SLC35F3: variants seen among roughly 807,000 people sequenced by gnomAD.
The protein encoded by SLC35F3 is putative thiamine transporter SLC35F3.
Under a neutral mutation model 49.9 loss-of-function variants are expected in SLC35F3, and 25 were observed. That is an observed-to-expected ratio of 0.50 (90% CI 0.37 to 0.70). The LOEUF is 0.70. Ranked by LOEUF, SLC35F3 falls within the 30% of genes least tolerant of loss-of-function variation. The probability of loss-of-function intolerance (pLI) is 0.00; values close to 1 mark genes in which losing one functional copy is unlikely to be tolerated. For missense variants in SLC35F3, 525 were observed against 639.8 expected, an observed-to-expected ratio of 0.82 and a Z score of 1.94; for synonymous variants, 275 against 265.4, an observed-to-expected ratio of 1.04 and a Z score of -0.35.
At chr1:234,305,217 G>C (rs1446937474) in intron 3 of SLC35F3, among the ~76,000 whole-genome samples, 1 of 152,108 alleles carries the variant, frequency 6.6e-6, no homozygotes, top group Admixed American at 6.5e-5. Flanking sequence ...ATGAAGTCAA[G>C]ACAGGCTATC....
chr1:234,272,825 G>A (rs1668129133), intron 3 of SLC35F3, among the ~76,000 whole-genome samples: 1 of 152,092 alleles, frequency 6.6e-6, no homozygotes, highest in Non-Finnish European at 1.5e-5. Context: ...GCCCCTGTTT[G>A]TTGTTCTCTT....
intron 3 of SLC35F3, among the ~76,000 whole-genome samples, chr1:234,307,036 C>T (rs961681355): frequency 1.3e-5 from 2 of 152,210 alleles, no homozygotes; most frequent in African/African-American, 4.8e-5. Context: ...ACCAGCATCA[C>T]TTTGTAGCCA....
At chr1:234,160,661 G>A (rs571190089) in intron 2 of SLC35F3, among the ~76,000 whole-genome samples, 1 of 152,108 alleles carries the variant, frequency 6.6e-6, no homozygotes, top group Non-Finnish European at 1.5e-5. Flanking sequence ...AAGTCTTCTT[G>A]AGGCTCTTGG....
rs544392219 is a variant in SLC35F3 at position 234,162,756 on chromosome 1, A to G, written c.284-68661A>G. 3.9e-5 allele frequency among the ~76,000 whole-genome samples: 6 copies of G among 152,372 alleles called. No individual in the cohort carries two copies. The South Asian group carries it at 1.2e-3, about 32-fold the overall frequency. ...AAAGTCAAAGGGATGATTAAGACTC[A>G]GTCCAGCTTGCTGGCAGGATGGCAG... On this transcript the variant is annotated intron_variant, in intron 2 of 7. Transcript: ENST00000366618.
Position 234,183,857 on chromosome 1 carries a change from C to G in SLC35F3, c.284-47560C>G, listed in dbSNP as rs1405052091. On this transcript the variant is annotated intron_variant, in intron 2 of 7. Transcript: ENST00000366618. ...GGTGCCTACCCCTGTCTTCCTCTCT[C>G]CATTCATTCATTTTTTGTTTAACAA... is the stretch of plus-strand genomic sequence containing the variant. Among the ~76,000 whole-genome samples, 25 of 142,842 alleles carry G rather than the reference C, an allele frequency of 1.8e-4. 4 individuals are homozygous for G. 93.7% of individuals were successfully genotyped at this position (142,842 alleles called of 152,430 possible).
intron 3 of SLC35F3, among the ~76,000 whole-genome samples, chr1:234,297,816 G>A (rs1406039450): frequency 6.6e-6 from 1 of 151,898 alleles, no homozygotes; most frequent in Non-Finnish European, 1.5e-5. Flanking sequence ...GATAAGGGGG[G>A]CAGAAAACAG....
At chr1:234,105,582 C>T (rs1010788810) in intron 2 of SLC35F3, among the ~76,000 whole-genome samples, 1 of 152,186 alleles carries the variant, frequency 6.6e-6, no homozygotes, top group Non-Finnish European at 1.5e-5. Context: ...CATGTCTGCA[C>T]CTCTTGCAAG....
intron 2 of SLC35F3, among the ~76,000 whole-genome samples, chr1:234,059,580 T>C (rs1258551760): frequency 6.8e-6 from 1 of 146,016 alleles, no homozygotes; most frequent in East Asian, 2.8e-4. Context: ...GAGGTAGAGA[T>C]AGAGCTAGAG....
intron 2 of SLC35F3, among the ~76,000 whole-genome samples, chr1:234,056,544 A>C (rs555528917): frequency 1.3e-5 from 2 of 152,282 alleles, no homozygotes; most frequent in African/African-American, 4.8e-5. Context: ...ACCCAGCACC[A>C]TGCAACCACT....
At chr1:233,935,378 G>C (rs1260069715) in intron 2 of SLC35F3, among the ~76,000 whole-genome samples, 2 of 151,970 alleles carry the variant, frequency 1.3e-5, no homozygotes, top group Non-Finnish European at 2.9e-5. Context: ...ATTTAGGTTT[G>C]AGTGTGTTTG....
intron 2 of SLC35F3, among the ~76,000 whole-genome samples, chr1:234,132,575 T>C (rs1221226143): frequency 6.6e-6 from 1 of 152,222 alleles, no homozygotes; most frequent in East Asian, 1.9e-4. Context: ...AAAAGAAACA[T>C]TGTGTATTGC....
At chr1:233,924,376 G>A (rs1005701975) in intron 2 of SLC35F3, among the ~76,000 whole-genome samples, 7 of 152,148 alleles carry the variant, frequency 4.6e-5, no homozygotes, top group Admixed American at 3.3e-4. Context: ...GTCTTGGGAC[G>A]GTGTATGTGT....
chr1:233,936,769 G>A (rs1443720496), intron 2 of SLC35F3, among the ~76,000 whole-genome samples: 1 of 151,922 alleles, frequency 6.6e-6, no homozygotes, highest in Non-Finnish European at 1.5e-5. Context: ...GTTCACTGCA[G>A]CCTTGACCTC....
At chr1:233,924,464 T>C (rs1662122580) in intron 2 of SLC35F3, among the ~76,000 whole-genome samples, 1 of 152,262 alleles carries the variant, frequency 6.6e-6, no homozygotes, top group African/African-American at 2.4e-5. Context: ...GATGGTAGTT[T>C]GTATTTCTGT....
chr1:234,086,392 G>T (rs896281788), intron 2 of SLC35F3, among the ~76,000 whole-genome samples: 1 of 152,170 alleles, frequency 6.6e-6, no homozygotes, highest in Non-Finnish European at 1.5e-5. Flanking sequence ...ATAGCCAACT[G>T]GGAGTTATTA....
intron 3 of SLC35F3, among the ~76,000 whole-genome samples, chr1:234,281,249 G>A (rs1572133047): frequency 6.6e-6 from 1 of 152,340 alleles, no homozygotes; most frequent in East Asian, 1.9e-4. Flanking sequence ...TGAAGACACA[G>A]AAGGGTGATG....
At chr1:234,156,583 A>T (rs962216165) in intron 2 of SLC35F3, among the ~76,000 whole-genome samples, 1 of 152,184 alleles carries the variant, frequency 6.6e-6, no homozygotes, top group Non-Finnish European at 1.5e-5. Flanking sequence ...CTTAGAAAAA[A>T]GTTTAACTTA....
intron 2 of SLC35F3, among the ~76,000 whole-genome samples, chr1:234,158,058 C>A (rs1274715247): frequency 6.6e-6 from 1 of 152,186 alleles, no homozygotes; most frequent in Non-Finnish European, 1.5e-5. Flanking sequence ...TAAATCATGA[C>A]TTTAACTTTA....
chr1:234,139,971 A>AAATAAAATAAAATAAAATAAAAT lies in SLC35F3; in HGVS notation c.284-91443_284-91421dup, dbSNP rs1558239984. 4.4e-5 allele frequency among the ~76,000 whole-genome samples: 6 copies of AAATAAAATAAAATAAAATAAAAT among 135,112 alleles called. 1 individual carries two copies. The highest frequency in any genetic ancestry group is 1.7e-4 in the African/African-American group (6 of 35,694). The allele number at this position is 135,112 out of a possible 152,430, so 88.6% of individuals were successfully genotyped here. On this transcript the variant is annotated intron_variant, in intron 2 of 7. Transcript: ENST00000366618. ...CAAAATAATAAAATAAAATAAAATA[A>AAATAAAATAAAATAAAATAAAAT]AATAAAATAAAATAAAATAAAATAA...
Sources: allele counts gnomAD v4.1 joint callset (sites outside exome capture counted in the v4.1 genomes callset), GRCh38; gene constraint gnomAD v4.1.1; transcripts MANE v1.5; gene names NCBI Gene and HGNC (gene_info 2026-07-23, HGNC 2026-07-21).